Variants in DIP2A observed in about 807,000 individuals in gnomAD.
DIP2A encodes DIP2 acetate--CoA ligase A.
A neutral mutation model predicts 177.4 loss-of-function variants in DIP2A; 85 were observed. The observed-to-expected ratio is 0.48, with a 90% CI of 0.40 to 0.57. The LOEUF (loss-of-function observed/expected upper bound fraction) is 0.57. Ranked by LOEUF, DIP2A falls within the 20% of genes least tolerant of loss-of-function variation. The probability of loss-of-function intolerance (pLI) is 0.00; values close to 1 mark genes in which losing one functional copy is unlikely to be tolerated. For missense variants in DIP2A, 1,791 were observed against 2,100.2 expected, an observed-to-expected ratio of 0.85 and a Z score of 2.88; for synonymous variants, 886 against 881.8, an observed-to-expected ratio of 1.00 and a Z score of -0.08.
intron 3 of DIP2A, among the ~76,000 whole-genome samples, chr21:46,492,513 A>G (rs567205715): frequency 6.6e-6 from 1 of 152,062 alleles, no homozygotes; most frequent in African/African-American, 2.4e-5. Flanking sequence ...TCTCTTTATC[A>G]CTGTTCTGTG....
chr21:46,549,399 ACTAACT>A (rs1292824891), intron 21 of DIP2A, among the ~76,000 whole-genome samples: 6 of 152,364 alleles, frequency 3.9e-5, no homozygotes, highest in South Asian at 4.1e-4. Flanking sequence ...ATGTCAATAG[ACTAACT>A]CTAGTAAAAT....
At chr21:46,508,419 C>T (rs565978926) in intron 6 of DIP2A, among the ~76,000 whole-genome samples, 16 of 134,822 alleles carry the variant, frequency 1.2e-4, no homozygotes, top group Admixed American at 2.5e-4. Context: ...AGTGCAGTGG[C>T]GCAATCTCGG....
chr21:46,556,740 A>T lies in DIP2A; in HGVS notation c.3499-199A>T. On this transcript the variant is annotated intron_variant, in intron 29 of 37. Transcript: ENST00000417564. This position sits in a 1 kb window ranked among gnomAD's most constrained non-coding sequence, Gnocchi z 4.5. ...TCATTACCCTGAAATTTTGTTTCAA[A>T]GATTTTTAGTGTACCATTTCTTGGG... 5.6e-6 allele frequency: 3 copies of T among 539,424 alleles called. No individual in the cohort carries two copies. The highest frequency in any genetic ancestry group is 6.3e-6 in the Non-Finnish European group (2 of 315,374). The allele number at this position is 539,424 out of a possible 1,614,324, so 33.4% of individuals were successfully genotyped here.
chr21:46,577,049 G>C, the DIP2A span, among the ~76,000 whole-genome samples: 1 of 152,124 alleles, frequency 6.6e-6, no homozygotes. Context: ...TGAATAGATT[G>C]CAAAAATTTT....
chr21:46,502,540 C>T lies in DIP2A; in HGVS notation c.656-1821C>T, dbSNP rs562809270. Among the ~76,000 whole-genome samples the T allele has an allele frequency of 1.8e-3, 255 of 145,526 alleles. 2 individuals are homozygous for T. The highest frequency in any genetic ancestry group is 6.1e-3 in the African/African-American group (238 of 39,138). Reference sequence around the variant, plus strand: ...TTGGCTCACTGCAACCTCCACCTCCCGGGTTCAAGCGATTCTCCTGCCTCA... The same window carrying T: ...TTGGCTCACTGCAACCTCCACCTCCTGGGTTCAAGCGATTCTCCTGCCTCA... On this transcript the variant is annotated intron_variant, in intron 5 of 37. Transcript: ENST00000417564.
rs949849202 is a variant in DIP2A, at chr21:46,560,837, A to G, written c.4031+54A>G. ...TGGATACCCAGTGGCAAAGTGATGC[A>G]AACCAGGTCTGCACTGACTATGCAC... On this transcript the variant is annotated intron_variant, in intron 33 of 37. Transcript: ENST00000417564. The G allele has an allele frequency of 3.8e-6, 6 of 1,566,458 alleles. No homozygotes were observed. The African/African-American group carries it at 8.1e-5, about 21-fold the overall frequency.
rs2060907327 is a variant in DIP2A at position 46,568,992 on chromosome 21, T to C, written c.*1370T>C. ...GACTAAGCTGAGTGATCTAAAATTA[T>C]ACAGAACCTAAATCAAAGAAGAGAA... On this transcript the variant is annotated 3_prime_UTR_variant, in exon 38 of 38. Transcript: ENST00000417564. 3 of 152,232 alleles carry C rather than the reference T, an allele frequency of 2.0e-5. No homozygotes were observed. Among genetic ancestry groups the C allele is most frequent in the South Asian group, 4.1e-4 (2 of 4,832 alleles). 9.4% of individuals were successfully genotyped at this position (152,232 alleles called of 1,614,324 possible). A position where few individuals can be genotyped will look rare whatever the true frequency, so the allele number is the denominator to read the frequency against.
downstream of DIP2A, among the ~76,000 whole-genome samples, chr21:46,573,271 G>A (rs1211131951): frequency 6.6e-6 from 1 of 152,054 alleles, no homozygotes; most frequent in Non-Finnish European, 1.5e-5. Context: ...GACAGAGATT[G>A]GCAGAATGGG....
rs142280968 is a variant in DIP2A at position 46,478,509 on chromosome 21, G to A, written c.92-6248G>A. Among the ~76,000 whole-genome samples the A allele has an allele frequency of 7.6e-3, 1,154 of 152,276 alleles. 5 individuals carry two copies. The highest frequency in any genetic ancestry group is 0.02 in the Middle Eastern group (6 of 294). On this transcript the variant is annotated intron_variant, in intron 1 of 37. Transcript: ENST00000417564. ...TTACAGGCGTGAGCCACCACGCCTG[G>A]CAAAACTTTCAAGAATTACTCAGGC...
chr21:46,554,235 C>G lies in DIP2A; in HGVS notation c.3097C>G (p.Leu1033Val), dbSNP rs2060373040. ...AAGGGCTGAGAGAGTGGCCGCGGCT[C>G]TGATGGAGAAGGGAAGACTGAGTGT... is the stretch of plus-strand genomic sequence containing the variant. ...HKRAERVAAALMEKGRLSVGD... is the reference protein window; with the variant it reads ...HKRAERVAAAVMEKGRLSVGD... Residue 1033 changes from leucine (L) to valine (V), a missense_variant, in exon 26 of 38, where the codon CTG (leucine) becomes GTG (valine). Physicochemically the swap from Leu to Val is conservative, Grantham distance 32 (BLOSUM62 1). Transcript: ENST00000417564. The G allele has an allele frequency of 1.4e-5, 23 of 1,613,958 alleles. No homozygotes were observed. The highest frequency in any genetic ancestry group is 1.9e-5 in the Non-Finnish European group (22 of 1,179,864).
At chr21:46,528,509 A>G (rs1388468202) in intron 8 of DIP2A, among the ~76,000 whole-genome samples, 1 of 116,992 alleles carries the variant, frequency 8.5e-6, no homozygotes. Flanking sequence ...TATACCAAAT[A>G]CTGACTTTTT....
At chr21:46,493,833 G>A (rs1016598713) in intron 3 of DIP2A, among the ~76,000 whole-genome samples, 1 of 152,130 alleles carries the variant, frequency 6.6e-6, no homozygotes, top group Non-Finnish European at 1.5e-5. Flanking sequence ...AAATTGAAGC[G>A]TCTACAAAAC....
intron 8 of DIP2A, among the ~76,000 whole-genome samples, chr21:46,516,735 C>T (rs1200654758): frequency 1.8e-4 from 27 of 151,872 alleles, no homozygotes; most frequent in Admixed American, 7.9e-4. Flanking sequence ...CGTCATGATC[C>T]ACCTGCCTCG....
At chr21:46,470,487 G>T (rs1003311603) in intron 1 of DIP2A, among the ~76,000 whole-genome samples, 6 of 148,004 alleles carry the variant, frequency 4.1e-5, no homozygotes, top group Non-Finnish European at 9.0e-5. Flanking sequence ...AAAAAAAAAG[G>T]GGGGGCCAGG....
At chr21:46,570,762 G>A (rs572939113), downstream of DIP2A, among the ~76,000 whole-genome samples, 11 of 152,300 alleles carry the variant, frequency 7.2e-5, no homozygotes, top group Admixed American at 5.9e-4. Flanking sequence ...TGGCCTTCAT[G>A]TTGGCAGTTC....
intron 8 of DIP2A, among the ~76,000 whole-genome samples, chr21:46,517,026 C>T (rs1487941344): frequency 7.5e-6 from 1 of 133,028 alleles, no homozygotes; most frequent in Non-Finnish European, 1.6e-5. Flanking sequence ...ACCTTTGGGT[C>T]TGTTGCTCTT....
Position 46,567,834 on chromosome 21 carries a change from C to T in DIP2A, c.*212C>T, listed in dbSNP as rs1018597363. 30 of 509,838 alleles carry T rather than the reference C, an allele frequency of 5.9e-5. No individual in the cohort carries two copies. The highest frequency in any genetic ancestry group is 9.8e-5 in the African/African-American group (5 of 51,198). The allele number at this position is 509,838 out of a possible 1,614,324, so 31.6% of individuals were successfully genotyped here. A position where few individuals can be genotyped will look rare whatever the true frequency, so the allele number is the denominator to read the frequency against. ...TCTGCCAAGTACATTTACAAAAACACGGATGCTGGTATTTTAACAGATGGA... is the reference window on the plus strand; with the variant it reads ...TCTGCCAAGTACATTTACAAAAACATGGATGCTGGTATTTTAACAGATGGA... On this transcript the variant is annotated 3_prime_UTR_variant, in exon 38 of 38. Coordinates refer to ENST00000417564, the MANE Select transcript of DIP2A (RefSeq NM_015151.4).
intron 1 of DIP2A, among the ~76,000 whole-genome samples, chr21:46,472,720 TC>T (rs1374681444): frequency 6.6e-6 from 1 of 152,150 alleles, no homozygotes; most frequent in East Asian, 1.9e-4. Context: ...GGCTCACACA[TC>T]CTAGTAAGGA....
At chr21:46,562,089 T>C (rs1242042549) in intron 34 of DIP2A, among the ~76,000 whole-genome samples, 1 of 152,212 alleles carries the variant, frequency 6.6e-6, no homozygotes, top group Non-Finnish European at 1.5e-5. Context: ...GCCTCAGGCC[T>C]CTGGGGCCAG....
Sources: gnomAD v4.1 joint callset for allele counts (sites outside exome capture counted in the v4.1 genomes callset) on GRCh38, gnomAD v4.1.1 for gene constraint, Gnocchi (gnomAD v3.1) non-coding constraint, MANE v1.5 for transcripts, NCBI Gene and HGNC (gene_info 2026-07-23, HGNC 2026-07-21) for gene names.